FAM185A: variants seen among roughly 807,000 people sequenced by gnomAD.
The protein encoded by FAM185A is protein FAM185A.
In FAM185A, 21 loss-of-function variants were observed where a neutral mutation model predicts 45.7. The observed-to-expected ratio is 0.46, with a 90% confidence interval of 0.33 to 0.66. The LOEUF is 0.66. Ranked by LOEUF, FAM185A falls within the 30% of genes least tolerant of loss-of-function variation. The pLI, the probability that FAM185A is intolerant of heterozygous loss-of-function variation, is 0.03. For synonymous variants in FAM185A, 117 were observed against 194.0 expected, an observed-to-expected ratio of 0.60 and a Z score of 3.30; for missense variants, 305 against 485.4, an observed-to-expected ratio of 0.63 and a Z score of 3.49.
chr7:102,804,099 C>T (rs954075285), intron 7 of FAM185A, among the ~76,000 whole-genome samples: 3 of 152,100 alleles, frequency 2.0e-5, no homozygotes, highest in African/African-American at 4.8e-5. Context: ...GTGAAAATGA[C>T]CATACTGCCA....
At chr7:102,791,108 AAGT>A (rs1316175420) in intron 7 of FAM185A, among the ~76,000 whole-genome samples, 4 of 152,178 alleles carry the variant, frequency 2.6e-5, no homozygotes, top group Non-Finnish European at 5.9e-5. Flanking sequence ...AGTGGCATAA[AAGT>A]AGGCTGGAGA....
downstream of FAM185A, chr7:102,813,300 C>T: frequency 6.5e-7 from 1 of 1,547,172 alleles, no homozygotes. Context: ...AGAAAACTTG[C>T]CAAGTTCTTG....
chr7:102,787,090 AAAG>A (rs1427843035), intron 6 of FAM185A, among the ~76,000 whole-genome samples: 1 of 152,204 alleles, frequency 6.6e-6, no homozygotes, highest in African/African-American at 2.4e-5. Context: ...ACTATTGGCA[AAAG>A]AAGAACTAGT....
chr7:102,806,008 A>C (rs1797089548), intron 7 of FAM185A, among the ~76,000 whole-genome samples: 1 of 152,180 alleles, frequency 6.6e-6, no homozygotes, highest in African/African-American at 2.4e-5. Context: ...TCCATGTGCC[A>C]GCAGATCTGT....
intron 3 of FAM185A, among the ~76,000 whole-genome samples, chr7:102,760,430 G>A (rs1337649788): frequency 6.7e-6 from 1 of 149,716 alleles, no homozygotes; most frequent in Non-Finnish European, 1.5e-5. Context: ...AAATAATAGT[G>A]TATTCACTAA....
At chr7:102,782,086 G>A (rs182320898) in intron 6 of FAM185A, among the ~76,000 whole-genome samples, 9 of 152,136 alleles carry the variant, frequency 5.9e-5, no homozygotes, top group South Asian at 4.1e-4. Context: ...GAAATGAAGC[G>A]AGAAGTTTAG....
At position 102,749,326 on chromosome 7, in the gene FAM185A, G is replaced by T. The variant is rs1208414091; in HGVS notation, c.119G>T (p.Ser40Ile). 1.7e-5 allele frequency: 27 copies of T among 1,549,648 alleles called. No homozygotes were observed. The highest frequency in any genetic ancestry group is 2.3e-5 in the Non-Finnish European group (26 of 1,146,760). Residue 40 changes from serine (S) to isoleucine (I), a missense_variant, in exon 1 of 8, where the codon AGC becomes ATC. By Grantham distance (142) the Ser-to-Ile change is moderately radical (BLOSUM62 -2). This residue lies in a region of FAM185A where 174 missense variants were observed against 247.1 expected (regional missense o/e 0.70). Coordinates refer to ENST00000413034, the MANE Select transcript of FAM185A (RefSeq NM_001145268.2). ...TGGGCTTGCCAAGCCAGGCCGTACA[G>T]CTCAGGTGGGAGCGAGCGCTGGCCC... Reference protein sequence around the residue: ...ACWACQARPYSSGGSERWPGS... With the variant: ...ACWACQARPYISGGSERWPGS...
rs1203859485 is a variant in FAM185A, at chr7:102,808,282, T to C, written c.1067-8T>C. ...CTTGATATAATTTTATGCAATTTTG[T>C]GTTTTAGGACTCATGAATCAAGCAA... On this transcript the variant is annotated splice_polypyrimidine_tract_variant and splice_region_variant and intron_variant, in intron 7 of 7. Transcript: ENST00000413034. The C allele has an allele frequency of 3.3e-6, 5 of 1,535,764 alleles. No homozygotes were observed. The highest frequency in any genetic ancestry group is 4.4e-6 in the Non-Finnish European group (5 of 1,132,740).
At chr7:102,848,954 C>T in the FAM185A span, among the ~76,000 whole-genome samples, 6 of 151,962 alleles carry the variant, frequency 3.9e-5, no homozygotes, top group Non-Finnish European at 7.4e-5. Flanking sequence ...GAGTCGAGAT[C>T]GTGCCATTGC....
the FAM185A span, among the ~76,000 whole-genome samples, chr7:102,838,704 A>G: frequency 6.6e-6 from 1 of 152,196 alleles, no homozygotes; most frequent in African/African-American, 2.4e-5. Flanking sequence ...AGGGTTGTGC[A>G]GGATGTGCCT....
chr7:102,750,343 T>C (rs992200278), intron 1 of FAM185A, among the ~76,000 whole-genome samples: 6 of 152,134 alleles, frequency 3.9e-5, no homozygotes, highest in African/African-American at 1.4e-4. Flanking sequence ...ATGGAAGATA[T>C]TGATGATGAT....
At chr7:102,832,751 T>C in the FAM185A span, 1 of 1,413,468 alleles carries the variant, frequency 7.1e-7, no homozygotes, top group Non-Finnish European at 9.4e-7. Context: ...AAAGAGAACA[T>C]ATTCTGAGTC....
chr7:102,769,932 C>T (rs1794650133), intron 4 of FAM185A, among the ~76,000 whole-genome samples: 1 of 151,972 alleles, frequency 6.6e-6, no homozygotes, highest in Non-Finnish European at 1.5e-5. Flanking sequence ...GAGGGTAGAG[C>T]CCTCATGACC....
At chr7:102,836,885 A>G in the FAM185A span, among the ~76,000 whole-genome samples, 3 of 152,268 alleles carry the variant, frequency 2.0e-5, no homozygotes, top group East Asian at 1.9e-4. Context: ...TTCGTGTTGC[A>G]TACTCATAAC....
the FAM185A span, among the ~76,000 whole-genome samples, chr7:102,832,271 A>C: frequency 6.6e-6 from 1 of 152,218 alleles, no homozygotes; most frequent in African/African-American, 2.4e-5. Context: ...TTGGAGTGTC[A>C]AACTGGAACA....
downstream of FAM185A, among the ~76,000 whole-genome samples, chr7:102,811,036 T>C (rs1797400019): frequency 6.6e-6 from 1 of 152,176 alleles, no homozygotes; most frequent in East Asian, 1.9e-4. Context: ...TACTCACACA[T>C]TGGTATATTT....
the FAM185A span, among the ~76,000 whole-genome samples, chr7:102,823,750 C>G: frequency 6.6e-6 from 1 of 152,234 alleles, no homozygotes; most frequent in East Asian, 1.9e-4. Flanking sequence ...CTTGTTTTAA[C>G]ATAAAGTTAA....
the FAM185A span, among the ~76,000 whole-genome samples, chr7:102,840,459 T>C: frequency 6.6e-6 from 1 of 152,220 alleles, no homozygotes; most frequent in East Asian, 1.9e-4. Flanking sequence ...GGCGGGGGAA[T>C]TCCTTAAGCT....
intron 2 of FAM185A, among the ~76,000 whole-genome samples, chr7:102,752,300 T>A (rs1277542272): frequency 1.4e-5 from 2 of 145,328 alleles, no homozygotes; most frequent in African/African-American, 5.1e-5. Context: ...TGAGATGGAG[T>A]CTTACTCTGT....
Sources: gnomAD v4.1 joint callset for allele counts (sites outside exome capture counted in the v4.1 genomes callset) on GRCh38, gnomAD v4.1.1 for gene constraint, gnomAD v4.1.1 regional missense constraint, MANE v1.5 for transcripts, NCBI Gene and HGNC (gene_info 2026-07-23, HGNC 2026-07-21) for gene names.